Variants in RALYL observed in about 807,000 individuals in gnomAD.
RALYL encodes RNA-binding Raly-like protein.
A neutral mutation model predicts 35.1 loss-of-function variants in RALYL; 29 were observed. That is an observed-to-expected ratio of 0.83 (90% CI 0.61 to 1.13). RALYL has a LOEUF of 1.13. Ranked by LOEUF, RALYL falls within the 50% of genes most tolerant of loss-of-function variation. The pLI is 0.00. For synonymous variants in RALYL, 120 were observed against 127.6 expected, an observed-to-expected ratio of 0.94 and a Z score of 0.40; for missense variants, 359 against 360.4, an observed-to-expected ratio of 1.00 and a Z score of 0.03.
rs1375842492 is a variant in RALYL at position 84,209,301 on chromosome 8, C to T, written c.-24+24877C>T. On this transcript the variant is annotated intron_variant, in intron 1 of 8. Coordinates refer to ENST00000521268, the MANE Select transcript of RALYL (RefSeq NM_173848.7). ...AAACATAAGTGCTGGTTTTTTGTAA[C>T]CTCCCTTTCTGTGGCCACTTTGTGG... Among the ~76,000 whole-genome samples the T allele has an allele frequency of 2.6e-5, 4 of 152,150 alleles. No homozygotes were observed. In the South Asian group the frequency reaches 8.3e-4, roughly 32 times the overall value.
rs532411895 is a variant in RALYL, at chr8:84,849,941, G to C, written c.366-39G>C. On this transcript the variant is annotated intron_variant, in intron 4 of 8. Coordinates refer to ENST00000521268, the MANE Select transcript of RALYL (RefSeq NM_173848.7). ...AGTTAATAATAAAATTAATGTCATT[G>C]AAACAAATGCCAACTAATTTTTTTG... The C allele has an allele frequency of 9.2e-4, 1,107 of 1,197,418 alleles. 2 individuals are homozygous for C. Among genetic ancestry groups the C allele is most frequent in the Non-Finnish European group, 1.2e-3 (1,033 of 865,214 alleles). 74.2% of individuals were successfully genotyped at this position (1,197,418 alleles called of 1,614,324 possible). A position where few individuals can be genotyped will look rare whatever the true frequency, so the allele number is the denominator to read the frequency against.
chr8:84,483,289 CT>C (rs1481761784), intron 1 of RALYL, among the ~76,000 whole-genome samples: 9 of 152,004 alleles, frequency 5.9e-5, no homozygotes, highest in African/African-American at 2.2e-4. Flanking sequence ...TTTTTTTCCT[CT>C]GGAGATTAGA....
At position 84,766,761 on chromosome 8, in the gene RALYL, T is replaced by G. The variant is rs146030928; in HGVS notation, c.257-7818T>G. 7.6e-3 allele frequency among the ~76,000 whole-genome samples: 1,118 copies of G among 147,242 alleles called. 15 individuals are homozygous for G. Among genetic ancestry groups the G allele is most frequent in the African/African-American group, 0.027 (1,073 of 39,694 alleles). ...AAAAAAAAAAAAACTCCCAAAACAT[T>G]GTTCTGATAAACACCATTTTATAAA... On this transcript the variant is annotated intron_variant, in intron 2 of 8. Coordinates refer to ENST00000521268, the MANE Select transcript of RALYL (RefSeq NM_173848.7).
chr8:84,318,684 G>A (rs190037941), intron 1 of RALYL, among the ~76,000 whole-genome samples: 268 of 152,174 alleles, frequency 1.8e-3, no homozygotes, highest in Middle Eastern at 6.8e-3. Flanking sequence ...ACAGGGCCAG[G>A]CCTGTACAAG....
intron 2 of RALYL, among the ~76,000 whole-genome samples, chr8:84,602,775 C>A (rs918260506): frequency 2.6e-4 from 39 of 152,180 alleles, no homozygotes; most frequent in African/African-American, 7.2e-4. Context: ...TTTGTCCTGG[C>A]CCTCGTTGAA....
At chr8:84,399,009 T>C (rs958782647) in intron 1 of RALYL, among the ~76,000 whole-genome samples, 1 of 150,282 alleles carries the variant, frequency 6.7e-6, no homozygotes, top group African/African-American at 2.5e-5. Flanking sequence ...TGCAAAGAAA[T>C]CTTATTATAG....
chr8:84,544,954 A>G (rs575552204), intron 2 of RALYL, among the ~76,000 whole-genome samples: 1 of 152,168 alleles, frequency 6.6e-6, no homozygotes, highest in African/African-American at 2.4e-5. Flanking sequence ...TTTCTTATAC[A>G]TTAAGAAAAT....
chr8:84,673,409 A>T (rs1023352536), intron 2 of RALYL, among the ~76,000 whole-genome samples: 95 of 151,862 alleles, frequency 6.3e-4, no homozygotes, highest in African/African-American at 2.2e-3. Flanking sequence ...CTTTTGTTGC[A>T]ATTGCTTTGG....
intron 3 of RALYL, among the ~76,000 whole-genome samples, chr8:84,775,276 A>T (rs1056239890): frequency 6.6e-6 from 1 of 152,146 alleles, no homozygotes; most frequent in Admixed American, 6.5e-5. Flanking sequence ...TATTAACTGC[A>T]TGCCATGTTC....
intron 1 of RALYL, among the ~76,000 whole-genome samples, chr8:84,328,784 G>T (rs1489826394): frequency 1.3e-5 from 2 of 152,060 alleles, no homozygotes; most frequent in East Asian, 3.9e-4. Flanking sequence ...GGAGTCCCCA[G>T]TGTCTATCAT....
At chr8:84,215,469 T>C (rs1051506222) in intron 1 of RALYL, among the ~76,000 whole-genome samples, 2 of 152,106 alleles carry the variant, frequency 1.3e-5, no homozygotes, top group African/African-American at 2.4e-5. Flanking sequence ...AGCAATGTAT[T>C]ATGCATTATA....
intron 4 of RALYL, among the ~76,000 whole-genome samples, chr8:84,814,217 A>T (rs1826618606): frequency 6.6e-6 from 1 of 152,162 alleles, no homozygotes; most frequent in African/African-American, 2.4e-5. Context: ...ATATTTATGT[A>T]TCATGTTCTA....
At chr8:84,898,547 A>G (rs1460110965) in intron 8 of RALYL, among the ~76,000 whole-genome samples, 1 of 152,190 alleles carries the variant, frequency 6.6e-6, no homozygotes, top group Non-Finnish European at 1.5e-5. Context: ...AAAGAGGTAA[A>G]CACATGAAAA....
chr8:84,201,852 C>T (rs1237432445), intron 1 of RALYL, among the ~76,000 whole-genome samples: 8 of 152,096 alleles, frequency 5.3e-5, no homozygotes. Context: ...AAAGTGTGAA[C>T]CACTGTTCGC....
chr8:84,735,019 G>C (rs1846979814), intron 2 of RALYL, among the ~76,000 whole-genome samples: 1 of 151,000 alleles, frequency 6.6e-6, no homozygotes, highest in South Asian at 2.1e-4. Context: ...GTGTGTGTGT[G>C]TGTGTGTGTG....
intron 2 of RALYL, among the ~76,000 whole-genome samples, chr8:84,674,450 C>T (rs1242658025): frequency 3.3e-5 from 5 of 152,090 alleles, no homozygotes; most frequent in Non-Finnish European, 7.4e-5. Flanking sequence ...TTGTCTGGTG[C>T]TAGTTTTCAA....
At chr8:84,492,312 T>A (rs1158327722) in intron 1 of RALYL, among the ~76,000 whole-genome samples, 1 of 152,106 alleles carries the variant, frequency 6.6e-6, no homozygotes, top group Non-Finnish European at 1.5e-5. Flanking sequence ...AAACCTAATT[T>A]ATGCATATAA....
intron 1 of RALYL, among the ~76,000 whole-genome samples, chr8:84,224,095 T>A (rs1182321663): frequency 6.6e-6 from 1 of 152,170 alleles, no homozygotes; most frequent in East Asian, 1.9e-4. Flanking sequence ...TATACATAGA[T>A]AAAAATGGTC....
chr8:84,539,867 T>C (rs995300390), intron 2 of RALYL, among the ~76,000 whole-genome samples: 1 of 16,124 alleles, frequency 6.2e-5, no homozygotes, highest in Admixed American at 8.9e-4. Context: ...TATATATATA[T>C]ATATATATAT....
Sources: gnomAD v4.1 joint callset for allele counts (sites outside exome capture counted in the v4.1 genomes callset) on GRCh38, gnomAD v4.1.1 for gene constraint, MANE v1.5 for transcripts, NCBI Gene and HGNC (gene_info 2026-07-23, HGNC 2026-07-21) for gene names.